Variants in DNAH1 observed in about 807,000 individuals in gnomAD.
DNAH1 encodes the protein axonemal beta dynein heavy chain 1.
In DNAH1, 327 loss-of-function variants were observed where a neutral mutation model predicts 484.3. That is an observed-to-expected ratio of 0.68 (90% CI 0.62 to 0.74). The LOEUF is 0.74. DNAH1 is among the 30% of genes least tolerant of loss of function. The pLI is 0.00. For missense variants in DNAH1, 5,052 were observed against 5,546.8 expected (o/e 0.91, Z 2.83); for synonymous variants, 2,192 against 2,191.9 (o/e 1.00, Z 0.00).
chr3:52,361,736 C>T lies in DNAH1; in HGVS notation c.4950C>T (p.Ile1650=), dbSNP rs1190379293. The stretch of plus-strand genomic sequence containing the variant: ...TGCTGTCTGTGGTGGCGCAGCAGAT[C>T]ACCACCATCCAGAAGGCGCAGCAGC... The part of the protein sequence containing the change: ...IEVLSVVAQQ[I]TTIQKAQQQR... The change falls in exon 30 of 78, where the codon ATC becomes ATT. Residue 1650 remains isoleucine, a synonymous_variant. Transcript: ENST00000420323. The surrounding 1 kb of genome is among the most constrained non-coding windows in gnomAD (Gnocchi z 5.6). 2 of 1,610,126 alleles carry T rather than the reference C, an allele frequency of 1.2e-6. No individual in the cohort carries two copies. The highest frequency in any genetic ancestry group is 1.3e-5 in the African/African-American group (1 of 74,880).
chr3:52,317,695 G>C (rs1700997385), intron 1 of DNAH1, among the ~76,000 whole-genome samples: 1 of 152,210 alleles, frequency 6.6e-6, no homozygotes, highest in Admixed American at 6.5e-5. Context: ...CCTGCCGATC[G>C]GGGCATATGC....
intron 60 of DNAH1, 74 bp from the exon 61 acceptor site, chr3:52,390,861 G>T: frequency 6.5e-7 from 1 of 1,541,942 alleles, no homozygotes; most frequent in South Asian, 1.2e-5. Flanking sequence ...ACACGAGGCC[G>T]GGAGATGCTG....
Position 52,353,274 on chromosome 3 carries a change from T to C in DNAH1, c.3199T>C (p.Cys1067Arg). ...TGAAGCCTTCAAGACCATGCACAAG[T>C]GCGTGAAGCAGTTTAAGGACATGCC... ...VVEAFKTMHK[C>R]VKQFKDMPAC... is the part of the protein sequence containing the mutation. The change falls in exon 19 of 78, where the codon TGC becomes CGC. Residue 1067 changes from cysteine (C) to arginine (R), a missense_variant. This residue lies in a region of DNAH1 where 2,929 missense variants were observed against 3,409.4 expected (regional missense o/e 0.86). Coordinates refer to ENST00000420323, the MANE Select transcript of DNAH1 (RefSeq NM_015512.5). The surrounding 1 kb of genome is among the most constrained non-coding windows in gnomAD (Gnocchi z 5.0). 1.2e-6 allele frequency: 2 copies of C among 1,613,908 alleles called. No individual in the cohort carries two copies. The highest frequency in any genetic ancestry group is 1.7e-6 in the Non-Finnish European group (2 of 1,179,872).
In DNAH1 at chr3:52,392,881, A is replaced by G. The variant is rs763876401; in HGVS notation, c.10330A>G (p.Met3444Val). The change falls in exon 65 of 78, where the codon ATG becomes GTG. Residue 3444 changes from methionine (M) to valine (V), a missense_variant. Physicochemically the swap from Met to Val is conservative, Grantham distance 21 (BLOSUM62 1). Coordinates refer to ENST00000420323, the MANE Select transcript of DNAH1 (RefSeq NM_015512.5). ...QTEKDIDLTR[M>V]EYIPVAIRTQ... ...GGAGAAGGACATCGACCTGACGCGC[A>G]TGGAGTACATACCCGTGGCCATCCG... The G allele has an allele frequency of 3.8e-6, 6 of 1,597,868 alleles. No homozygotes were observed. Among genetic ancestry groups the G allele is most frequent in the Non-Finnish European group, 8.5e-7 (1 of 1,171,944 alleles).
chr3:52,312,788 G>A (rs913445532), upstream of DNAH1, among the ~76,000 whole-genome samples: 2 of 152,034 alleles, frequency 1.3e-5, no homozygotes, highest in African/African-American at 4.8e-5. Context: ...GAGTAGCTGG[G>A]ACTACAGGCG....
At chr3:52,354,820 G>A (rs376584407) in intron 20 of DNAH1, 23 bp from the exon 21 acceptor site, 169 of 1,611,144 alleles carry the variant, frequency 1.0e-4, no homozygotes, top group South Asian at 6.7e-4. Flanking sequence ...CCAGGACTCA[G>A]CCTGGCTTGT....
At chr3:52,392,799 T>TGGGGGGGGGGGGGGGGGGGGGGGG in intron 64 of DNAH1, 31 bp from the exon 65 acceptor site, 4 of 1,274,344 alleles carry the variant, frequency 3.1e-6, no homozygotes, top group Non-Finnish European at 4.3e-6. Flanking sequence ...TTCTGCTCTT[T>TGGGGGGGGGGGGGGGGGGGGGGGG]GACCCCTCCC....
In DNAH1 at chr3:52,370,033, C is replaced by T. The variant is rs370315788; in HGVS notation, c.6138+14C>T. The T allele has an allele frequency of 1.4e-4, 232 of 1,612,624 alleles. No homozygotes were observed. Among genetic ancestry groups the T allele is most frequent in the Non-Finnish European group, 1.9e-4 (222 of 1,178,916 alleles). On this transcript the variant is annotated intron_variant, in intron 38 of 77. Coordinates refer to ENST00000420323, the MANE Select transcript of DNAH1 (RefSeq NM_015512.5). ...AGCTTCCTGGAGGTGAGTGAGGCCA[C>T]GGGTATGTCTGACCCTGGCAGGGCA...
At chr3:52,384,094 G>C (rs1339688354) in intron 52 of DNAH1, 63 bp downstream of exon 52, 1 of 1,447,674 alleles carries the variant, frequency 6.9e-7, no homozygotes, top group African/African-American at 1.4e-5. Flanking sequence ...CATGGGCTCA[G>C]GGTCACCAAG....
At chr3:52,371,402 A>T (rs1703334022) in intron 41 of DNAH1, among the ~76,000 whole-genome samples, 1 of 152,188 alleles carries the variant, frequency 6.6e-6, no homozygotes, top group East Asian at 1.9e-4. Flanking sequence ...GCCCAGTGGG[A>T]TGCATTGGTT....
rs758164867 is a variant in DNAH1, at chr3:52,361,647, C to G, written c.4875-14C>G. 1.3e-6 allele frequency: 2 copies of G among 1,589,970 alleles called. No individual in the cohort carries two copies. The highest frequency in any genetic ancestry group is 2.3e-5 in the South Asian group (2 of 87,104). On this transcript the variant is annotated splice_polypyrimidine_tract_variant and intron_variant, in intron 29 of 77. Coordinates refer to ENST00000420323, the MANE Select transcript of DNAH1 (RefSeq NM_015512.5). This position sits in a 1 kb window ranked among gnomAD's most constrained non-coding sequence, Gnocchi z 5.6. The stretch of plus-strand genomic sequence containing the variant: ...GAACACATGTGCCCCATCCAATGTT[C>G]CGGCCTCACTCAGTGCTGGGGCCTG...
Position 52,395,371 on chromosome 3 carries a change from T to C in DNAH1, c.11032T>C (p.Ser3678Pro). The C allele has an allele frequency of 1.2e-6, 2 of 1,613,870 alleles. No homozygotes were observed. Among genetic ancestry groups the C allele is most frequent in the Non-Finnish European group, 1.7e-6 (2 of 1,179,882 alleles). The change falls in exon 69 of 78, where the codon TCA becomes CCA. Residue 3678 changes from serine to proline, a missense_variant. By Grantham distance (74) the Ser-to-Pro change is moderately conservative (BLOSUM62 -1). Coordinates refer to ENST00000420323, the MANE Select transcript of DNAH1 (RefSeq NM_015512.5). The surrounding 1 kb of genome is among the most constrained non-coding windows in gnomAD (Gnocchi z 4.4). The part of the protein sequence containing the change: ...NSTTPLIFVL[S>P]PGTDPAADLY... The stretch of plus-strand genomic sequence containing the variant: ...CACCACACCCCTCATCTTTGTGCTG[T>C]CACCCGGCACAGACCCTGCTGCCGA...
rs779601869 is a variant in DNAH1, at chr3:52,388,235, C to T, written c.9072C>T (p.Ala3024=). 4.4e-6 allele frequency: 7 copies of T among 1,607,162 alleles called. No individual in the cohort carries two copies. The Admixed American group carries it at 8.5e-5, about 19-fold the overall frequency. ...PYIDNEEFQP[A]TIAKVSKACT... ...TCGATAATGAAGAGTTCCAGCCAGC[C>T]ACCATTGCCAAGGTGTCCAAGGCTT... Residue 3024 remains alanine, a synonymous_variant, in exon 57 of 78, where the codon GCC becomes GCT. Transcript: ENST00000420323.
At chr3:52,332,416 C>T (rs535854263) in intron 8 of DNAH1, 22 bp downstream of exon 8, 1 of 1,605,842 alleles carries the variant, frequency 6.2e-7, no homozygotes, top group Non-Finnish European at 8.5e-7. Flanking sequence ...CTCGGCCTTC[C>T]CTATTCTGGG....
rs1704461420 is a variant in DNAH1 at position 52,392,956 on chromosome 3, A to G, written c.10405A>G (p.Met3469Val). 1 of 1,613,304 alleles carries G rather than the reference A, an allele frequency of 6.2e-7. No homozygotes were observed. The highest frequency in any genetic ancestry group is 8.5e-7 in the Non-Finnish European group (1 of 1,179,668). Residue 3469 changes from methionine to valine, a missense_variant, in exon 65 of 78, where the codon ATG becomes GTG. Physicochemically the swap from Met to Val is conservative, Grantham distance 21 (BLOSUM62 1). This residue lies in a region of DNAH1 where 2,929 missense variants were observed against 3,409.4 expected (regional missense o/e 0.86). Transcript: ENST00000420323. ...GTCCGACCTGGCCAACGTGGACCCCATGTACCAGTACTCCCTTGAGTGGTT... is the reference window on the plus strand; with the variant it reads ...GTCCGACCTGGCCAACGTGGACCCCGTGTACCAGTACTCCCTTGAGTGGTT... ...CVSDLANVDP[M>V]YQYSLEWFLN... is the part of the protein sequence containing the mutation.
At chr3:52,333,982 G>A (rs1701648501) in intron 8 of DNAH1, among the ~76,000 whole-genome samples, 1 of 152,178 alleles carries the variant, frequency 6.6e-6, no homozygotes, top group South Asian at 2.1e-4. Flanking sequence ...TTGGAATGTA[G>A]CCCCACTGTA....
In DNAH1 at chr3:52,345,623, G is replaced by A. The variant is rs765709959; in HGVS notation, c.1573G>A (p.Ala525Thr). 10 of 1,609,308 alleles carry A rather than the reference G, an allele frequency of 6.2e-6. No homozygotes were observed. Among genetic ancestry groups the A allele is most frequent in the Non-Finnish European group, 7.6e-6 (9 of 1,177,902 alleles). ...KVRAECNKVT[A>T]MSLFHSSLSK... Reference sequence around the variant, plus strand: ...GAGGGCCGAGTGCAACAAGGTGACCGCCATGTCCCTGTTCCACTCGAGCCT... The same window carrying A: ...GAGGGCCGAGTGCAACAAGGTGACCACCATGTCCCTGTTCCACTCGAGCCT... Residue 525 changes from alanine (A) to threonine (T), a missense_variant, in exon 10 of 78, where the codon GCC (alanine) becomes ACC (threonine). Around this residue, in one of 4 missense-constraint regions of DNAH1, gnomAD observed 1,263 missense variants for 1,218.8 expected, o/e 1.04. Coordinates refer to ENST00000420323, the MANE Select transcript of DNAH1 (RefSeq NM_015512.5).
chr3:52,372,650 A>G (rs993805457), intron 43 of DNAH1, among the ~76,000 whole-genome samples: 1 of 152,218 alleles, frequency 6.6e-6, no homozygotes, highest in Non-Finnish European at 1.5e-5. Flanking sequence ...TGTCTGTGAG[A>G]AGCCTGTTGT....
Position 52,352,690 on chromosome 3 carries a change from AG to A in DNAH1, c.3011del (p.Ser1004ThrfsTer14). On this transcript the variant is annotated frameshift_variant, in exon 18 of 78. Transcript: ENST00000420323. LOFTEE classifies it high-confidence loss of function. The stretch of plus-strand genomic sequence containing the variant: ...CTACAACAACCGCGAGCGCATCTTC[AG>A]CTTGCCCATCACCAATGTAGGCCTC... ...MLYNNRERIF[S>X]LPITNYDKLS... 6.2e-7 allele frequency: 1 copy of A among 1,611,944 alleles called. No homozygotes were observed. The highest frequency in any genetic ancestry group is 8.5e-7 in the Non-Finnish European group (1 of 1,178,870).
Sources: allele counts gnomAD v4.1 joint callset (sites outside exome capture counted in the v4.1 genomes callset), GRCh38; gene constraint gnomAD v4.1.1; regional missense constraint gnomAD v4.1.1; non-coding constraint Gnocchi (gnomAD v3.1); transcripts MANE v1.5; gene names NCBI Gene and HGNC (gene_info 2026-07-23, HGNC 2026-07-21).